The following SHISA6 variants were observed in gnomAD, a reference collection of about 807,000 sequenced individuals.
SHISA6 encodes shisa family member 6.
SHISA6 carries 22 observed loss-of-function variants against 47.9 expected under a neutral mutation model. The observed-to-expected ratio is 0.46, with a 90% CI of 0.33 to 0.66. SHISA6 has a LOEUF of 0.66. Among genes scored for constraint, SHISA6 ranks in the 30% least tolerant of loss-of-function variants. The probability of loss-of-function intolerance (pLI) is 0.02; values close to 1 mark genes in which losing one functional copy is unlikely to be tolerated. For synonymous variants in SHISA6, 388 were observed against 337.8 expected, an observed-to-expected ratio of 1.15 and a Z score of -1.63; for missense variants, 680 against 764.6, an observed-to-expected ratio of 0.89 and a Z score of 1.30.
intron 2 of SHISA6, among the ~76,000 whole-genome samples, chr17:11,274,841 G>A (rs1908820078): frequency 1.3e-5 from 2 of 152,284 alleles, no homozygotes; most frequent in Admixed American, 1.3e-4. Flanking sequence ...TGCTCAGAAC[G>A]CTCAGAGGGA....
Position 11,319,803 on chromosome 17 carries a change from A to C in SHISA6, c.799+56277A>C, listed in dbSNP as rs568327397. 1.1e-4 allele frequency among the ~76,000 whole-genome samples: 17 copies of C among 152,408 alleles called. 1 individual carries two copies. The East Asian group carries it at 3.1e-3, about 28-fold the overall frequency. On this transcript the variant is annotated intron_variant, in intron 2 of 5. Transcript: ENST00000441885. ...CCACATTGCTAGTCATTGGAGACAG[A>C]CATGAATAGGTTTCTGTTCTTTTCC...
At chr17:11,388,788 GTTTATATATATATATATATA>G (rs1225419018) in intron 3 of SHISA6, among the ~76,000 whole-genome samples, 82 of 49,094 alleles carry the variant, frequency 1.7e-3, no homozygotes, top group African/African-American at 5.9e-3. Flanking sequence ...TCAAACAAAA[GTTTATATATATATATATATA>G]TATATATATA....
intron 3 of SHISA6, among the ~76,000 whole-genome samples, chr17:11,441,917 TGA>T (rs1481676190): frequency 6.6e-6 from 1 of 152,146 alleles, no homozygotes; most frequent in Non-Finnish European, 1.5e-5. Context: ...CTTTGCAAAA[TGA>T]GAGAGTGCTG....
At chr17:11,391,033 G>C (rs1194558992) in intron 3 of SHISA6, among the ~76,000 whole-genome samples, 2 of 152,190 alleles carry the variant, frequency 1.3e-5, no homozygotes, top group African/African-American at 4.8e-5. Context: ...ATGGGAGACG[G>C]GGTTGAGAGA....
chr17:11,249,393 C>T (rs536052477), intron 1 of SHISA6, among the ~76,000 whole-genome samples: 1 of 152,220 alleles, frequency 6.6e-6, no homozygotes, highest in South Asian at 2.1e-4. Context: ...GAATATAGCT[C>T]TGCAAGCCAC....
At chr17:11,349,533 C>A (rs1012424689) in intron 2 of SHISA6, among the ~76,000 whole-genome samples, 1 of 152,154 alleles carries the variant, frequency 6.6e-6, no homozygotes, top group African/African-American at 2.4e-5. Flanking sequence ...TATGGGTCAA[C>A]ACTTTTGAAG....
chr17:11,408,753 G>A (rs1597498431), intron 3 of SHISA6, among the ~76,000 whole-genome samples: 2 of 152,318 alleles, frequency 1.3e-5, no homozygotes, highest in East Asian at 3.9e-4. Flanking sequence ...GGATGTGGTT[G>A]GAGGTTGATG....
intron 3 of SHISA6, among the ~76,000 whole-genome samples, chr17:11,506,729 T>G (rs1171003166): frequency 6.6e-6 from 1 of 152,218 alleles, no homozygotes; most frequent in Non-Finnish European, 1.5e-5. Flanking sequence ...ATAAAGCATG[T>G]AACTGCTGTG....
intron 3 of SHISA6, among the ~76,000 whole-genome samples, chr17:11,443,010 A>C (rs1915133280): frequency 6.6e-6 from 1 of 152,178 alleles, no homozygotes; most frequent in Non-Finnish European, 1.5e-5. Flanking sequence ...GCCAAGAACT[A>C]GATTAAAGTT....
chr17:11,461,933 C>T (rs1227792591), intron 3 of SHISA6, among the ~76,000 whole-genome samples: 1 of 152,146 alleles, frequency 6.6e-6, no homozygotes, highest in Non-Finnish European at 1.5e-5. Flanking sequence ...ATGAAGAATA[C>T]AGAAAATTTA....
At chr17:11,536,375 G>T (rs546707177) in intron 3 of SHISA6, among the ~76,000 whole-genome samples, 4 of 152,308 alleles carry the variant, frequency 2.6e-5, no homozygotes, top group Non-Finnish European at 5.9e-5. Context: ...GATGCAGGTG[G>T]TGTGGTGATC....
chr17:11,386,767 G>A (rs1913209601), intron 3 of SHISA6, among the ~76,000 whole-genome samples: 2 of 152,308 alleles, frequency 1.3e-5, no homozygotes, highest in South Asian at 2.1e-4. Flanking sequence ...TAGGCCACAC[G>A]GCCACAGGTG....
chr17:11,344,580 G>A (rs575372087), intron 2 of SHISA6, among the ~76,000 whole-genome samples: 1 of 152,254 alleles, frequency 6.6e-6, no homozygotes, highest in Admixed American at 6.5e-5. Flanking sequence ...GGCCGTAAAT[G>A]TAAGGGTTTA....
chr17:11,532,149 A>G (rs1175956247), intron 3 of SHISA6, among the ~76,000 whole-genome samples: 1 of 152,180 alleles, frequency 6.6e-6, no homozygotes, highest in Admixed American at 6.5e-5. Context: ...GTTTGGAGTG[A>G]CACATGTTGT....
chr17:11,303,887 G>A (rs1049333129), intron 2 of SHISA6, among the ~76,000 whole-genome samples: 1 of 152,194 alleles, frequency 6.6e-6, no homozygotes, highest in South Asian at 2.1e-4. Context: ...TGTGTTTCTA[G>A]GGTGGGCCTG....
At chr17:11,515,401 C>A (rs1288736454) in intron 3 of SHISA6, among the ~76,000 whole-genome samples, 8 of 151,304 alleles carry the variant, frequency 5.3e-5, no homozygotes, top group Admixed American at 5.3e-4. Flanking sequence ...TAAGACTTTA[C>A]TTATTGGATC....
chr17:11,327,656 G>T (rs1240201108), intron 2 of SHISA6, among the ~76,000 whole-genome samples: 1 of 152,166 alleles, frequency 6.6e-6, no homozygotes, highest in Non-Finnish European at 1.5e-5. Flanking sequence ...AATTAGCCGG[G>T]TGTGGTGGTG....
intron 2 of SHISA6, among the ~76,000 whole-genome samples, chr17:11,370,073 A>G (rs1239254827): frequency 6.6e-6 from 1 of 152,162 alleles, no homozygotes; most frequent in Non-Finnish European, 1.5e-5. Flanking sequence ...GTGACCTTGA[A>G]GACTCTTTCT....
chr17:11,296,962 T>C (rs62062059), intron 2 of SHISA6, among the ~76,000 whole-genome samples: 43,254 of 152,014 alleles, frequency 0.28, 6,588 homozygotes, highest in Non-Finnish European at 0.36. Context: ...GCTTGTAACA[T>C]GGAAGTCAAC....
Sources: allele counts gnomAD v4.1 joint callset (sites outside exome capture counted in the v4.1 genomes callset), GRCh38; gene constraint gnomAD v4.1.1; transcripts MANE v1.5; gene names NCBI Gene and HGNC (gene_info 2026-07-23, HGNC 2026-07-21).